OPCML: variants seen among roughly 807,000 people sequenced by gnomAD.
OPCML encodes the protein opioid-binding protein/cell adhesion molecule.
Under a neutral mutation model 37.8 loss-of-function variants are expected in OPCML, and 13 were observed. The observed-to-expected ratio is 0.34, with a 90% CI of 0.22 to 0.55. The LOEUF is 0.55. Ranked by LOEUF, OPCML falls within the 20% of genes least tolerant of loss-of-function variation. The pLI, the probability that OPCML is intolerant of heterozygous loss-of-function variation, is 0.91. For missense variants in OPCML, 341 were observed against 435.6 expected, an observed-to-expected ratio of 0.78 and a Z score of 1.93; for synonymous variants, 176 against 168.8, an observed-to-expected ratio of 1.04 and a Z score of -0.33.
chr11:133,420,194 C>A, intron 1 of OPCML: 1 of 718,072 alleles, frequency 1.4e-6, no homozygotes, highest in Non-Finnish European at 1.7e-6. Context: ...CACACAAGTA[C>A]TTTTTTTTTT....
At chr11:133,261,759 A>G (rs1410364240) in intron 1 of OPCML, among the ~76,000 whole-genome samples, 1 of 152,246 alleles carries the variant, frequency 6.6e-6, no homozygotes, top group Non-Finnish European at 1.5e-5. Flanking sequence ...GAGAAGAAAT[A>G]CATTATTCTG....
intron 2 of OPCML, among the ~76,000 whole-genome samples, chr11:132,889,657 A>T (rs1943567230): frequency 6.6e-6 from 1 of 152,204 alleles, no homozygotes; most frequent in African/African-American, 2.4e-5. Context: ...ACATTTTGTC[A>T]TCAGTATTTT....
At chr11:133,129,076 G>A (rs1035024749) in intron 1 of OPCML, among the ~76,000 whole-genome samples, 1 of 152,182 alleles carries the variant, frequency 6.6e-6, no homozygotes, top group Non-Finnish European at 1.5e-5. Context: ...GTTTACACAG[G>A]GGAAGGGGAA....
chr11:132,944,644 A>T (rs944189061), intron 1 of OPCML, among the ~76,000 whole-genome samples: 4 of 152,130 alleles, frequency 2.6e-5, no homozygotes, highest in Non-Finnish European at 4.4e-5. Context: ...ATCCTCCTAA[A>T]ACCCCTCACA....
At chr11:133,500,653 C>A (rs904582343) in intron 1 of OPCML, among the ~76,000 whole-genome samples, 1 of 152,172 alleles carries the variant, frequency 6.6e-6, no homozygotes, top group Non-Finnish European at 1.5e-5. Flanking sequence ...AGCTCCTGCA[C>A]GGGGAGAATT....
intron 1 of OPCML, among the ~76,000 whole-genome samples, chr11:133,214,069 T>A (rs1263367896): frequency 6.6e-6 from 1 of 152,098 alleles, no homozygotes; most frequent in Non-Finnish European, 1.5e-5. Context: ...CAATCTTTCC[T>A]TGAAATAAAG....
intron 2 of OPCML, among the ~76,000 whole-genome samples, chr11:132,824,899 C>G (rs1940207990): frequency 6.6e-6 from 1 of 152,112 alleles, no homozygotes; most frequent in South Asian, 2.1e-4. Flanking sequence ...GCCTTGTATG[C>G]TCCCTTCTCT....
intron 1 of OPCML, among the ~76,000 whole-genome samples, chr11:133,279,239 C>A (rs1272495041): frequency 1.3e-5 from 2 of 152,182 alleles, no homozygotes; most frequent in Non-Finnish European, 2.9e-5. Context: ...TCTCACAAAT[C>A]GTCATCATGT....
At chr11:133,274,144 T>G (rs1262801751) in intron 1 of OPCML, among the ~76,000 whole-genome samples, 2 of 152,180 alleles carry the variant, frequency 1.3e-5, no homozygotes, top group African/African-American at 4.8e-5. Context: ...TGGTGCTAGT[T>G]CCCAGAATCA....
intron 4 of OPCML, among the ~76,000 whole-genome samples, chr11:132,456,877 G>T (rs887316222): frequency 6.6e-6 from 1 of 152,146 alleles, no homozygotes; most frequent in African/African-American, 2.4e-5. Context: ...TATTAATCAT[G>T]CTCATTAATC....
rs145044993 is a variant in OPCML at position 132,424,470 on chromosome 11, T to G, written c.917-4177A>C. ...CTATTCCAGAAAACTGATGCTAAAA[T>G]GCACCCGGATAAAAGCCCACGGGTT... On this transcript the variant is annotated intron_variant, in intron 7 of 7. Transcript: ENST00000524381. Among the ~76,000 whole-genome samples, 31 of 152,198 alleles carry G rather than the reference T, an allele frequency of 2.0e-4. No individual in the cohort carries two copies. The East Asian group carries it at 5.6e-3, about 28-fold the overall frequency.
rs573821011 is a variant in OPCML at position 133,102,653 on chromosome 11, G to C, written c.62-159643C>G. On this transcript the variant is annotated intron_variant, in intron 1 of 7. Coordinates refer to ENST00000524381, the MANE Select transcript of OPCML (RefSeq NM_001012393.5). ...TAGTCCCAGCTACTCAGGAGGCTGA[G>C]GCAGGAGAATGGAGTGAACCCGGGA... Among the ~76,000 whole-genome samples, 54 of 152,290 alleles carry C rather than the reference G, an allele frequency of 3.5e-4. 1 individual carries two copies. The highest frequency in any genetic ancestry group is 1.3e-3 in the African/African-American group (52 of 41,562).
chr11:132,491,095 G>A (rs1333724598), intron 4 of OPCML, among the ~76,000 whole-genome samples: 2 of 152,144 alleles, frequency 1.3e-5, no homozygotes, highest in African/African-American at 2.4e-5. Context: ...TTCTCACCAC[G>A]TGTATGCTCC....
In OPCML at chr11:133,130,362, G is replaced by A. The variant is rs188483852; in HGVS notation, c.62-187352C>T. Among the ~76,000 whole-genome samples, 4 of 152,022 alleles carry A rather than the reference G, an allele frequency of 2.6e-5. No homozygotes were observed. The East Asian group carries it at 7.7e-4, about 29-fold the overall frequency. On this transcript the variant is annotated intron_variant, in intron 1 of 7. Coordinates refer to ENST00000524381, the MANE Select transcript of OPCML (RefSeq NM_001012393.5). ...TAAATTGAGTTGCTATAGGAAAGGA[G>A]AAAGGAACATAAAAAATGTTTTTAG...
chr11:133,051,574 T>C (rs1224924475), intron 1 of OPCML, among the ~76,000 whole-genome samples: 1 of 152,116 alleles, frequency 6.6e-6, no homozygotes, highest in African/African-American at 2.4e-5. Context: ...CCTGCCCCAC[T>C]CCTCGGTTCA....
chr11:132,625,649 G>A (rs1319098951), intron 3 of OPCML, among the ~76,000 whole-genome samples: 1 of 152,152 alleles, frequency 6.6e-6, no homozygotes, highest in Non-Finnish European at 1.5e-5. Context: ...CACCAATGTT[G>A]TAGGAGTTGT....
Position 132,418,817 on chromosome 11 carries a change from C to T in OPCML, c.*1376G>A, listed in dbSNP as rs2095947441. 6.6e-6 allele frequency: 1 copy of T among 152,550 alleles called. No individual in the cohort carries two copies. The highest frequency in any genetic ancestry group is 6.5e-5 in the Admixed American group (1 of 15,272). The allele number at this position is 152,550 out of a possible 1,614,324, so 9.4% of individuals were successfully genotyped here. A position where few individuals can be genotyped will look rare whatever the true frequency, so the allele number is the denominator to read the frequency against. ...TGCTAAGGAAAGCCAGCCATAGGTTCCTGACATGTACTTTCTTGAAGGGTT... is the reference window on the plus strand; with the variant it reads ...TGCTAAGGAAAGCCAGCCATAGGTTTCTGACATGTACTTTCTTGAAGGGTT... On this transcript the variant is annotated 3_prime_UTR_variant, in exon 8 of 8. Transcript: ENST00000524381.
chr11:133,204,563 T>G (rs1042587891), intron 1 of OPCML, among the ~76,000 whole-genome samples: 1 of 152,140 alleles, frequency 6.6e-6, no homozygotes, highest in African/African-American at 2.4e-5. Flanking sequence ...AACAGAACTA[T>G]GCAAACAGTG....
intron 4 of OPCML, among the ~76,000 whole-genome samples, chr11:132,487,100 C>T (rs1414390110): frequency 6.6e-6 from 1 of 152,130 alleles, no homozygotes; most frequent in African/African-American, 2.4e-5. Context: ...GCTTGTAAAA[C>T]CCAAACACAG....
Sources: allele counts gnomAD v4.1 joint callset (sites outside exome capture counted in the v4.1 genomes callset), GRCh38; gene constraint gnomAD v4.1.1; transcripts MANE v1.5; gene names NCBI Gene and HGNC (gene_info 2026-07-23, HGNC 2026-07-21).